LINGO3: variants seen among roughly 807,000 people sequenced by gnomAD.
LINGO3 encodes leucine rich repeat and Ig domain containing 3.
For synonymous variants in LINGO3, 427 were observed against 444.2 expected (o/e 0.96, Z 0.49); for missense variants, 750 against 867.7 (o/e 0.86, Z 1.70).
downstream of LINGO3, among the ~76,000 whole-genome samples, chr19:2,287,821 T>C (rs959642409): frequency 1.3e-5 from 2 of 152,186 alleles, no homozygotes; most frequent in African/African-American, 4.8e-5. This position sits in a 1 kb window ranked among gnomAD's most constrained non-coding sequence, Gnocchi z 4.5. Flanking sequence ...TGAGATCACA[T>C]AGCCGGGCAG....
the LINGO3 span, among the ~76,000 whole-genome samples, chr19:2,297,816 G>A: frequency 6.6e-6 from 1 of 151,850 alleles, no homozygotes; most frequent in African/African-American, 2.4e-5. Context: ...TGTTAGCCAG[G>A]CTGGTCTCAA....
the LINGO3 span, among the ~76,000 whole-genome samples, chr19:2,297,402 T>G: frequency 6.7e-6 from 1 of 148,692 alleles, no homozygotes; most frequent in Non-Finnish European, 1.5e-5. Flanking sequence ...CCTCCCAGGT[T>G]CACGCCATTC....
the LINGO3 span, among the ~76,000 whole-genome samples, chr19:2,299,375 T>C: frequency 6.6e-6 from 1 of 152,212 alleles, no homozygotes; most frequent in East Asian, 1.9e-4. Context: ...CTGCTCACCA[T>C]GTGCCCTGAA....
At chr19:2,293,061 G>GTTTCTTTCTTTCTTTC (rs71176536), upstream of LINGO3, among the ~76,000 whole-genome samples, 925 of 151,054 alleles carry the variant, frequency 6.1e-3, 15 homozygotes, top group African/African-American at 0.021. Context: ...GTATGACCCC[G>GTTTCTTTCTTTCTTTC]TTTCTTTCTT....
At chr19:2,306,584 C>T in the LINGO3 span, among the ~76,000 whole-genome samples, 5 of 152,366 alleles carry the variant, frequency 3.3e-5, no homozygotes, top group East Asian at 1.9e-4. Flanking sequence ...CCGTAACCAT[C>T]GTGACCTGAG....
chr19:2,293,146 G>T (rs1400322527), upstream of LINGO3, among the ~76,000 whole-genome samples: 2 of 151,702 alleles, frequency 1.3e-5, no homozygotes, highest in Non-Finnish European at 2.9e-5. Flanking sequence ...CTCACTGCAA[G>T]CTCTGCCTCC....
At chr19:2,291,762 C>G (rs1011188941) in exon 1 of LINGO3, 96 of 1,381,276 alleles carry the variant, frequency 7.0e-5, no homozygotes, top group Non-Finnish European at 4.3e-5. Context: ...TCAGGACGCA[C>G]AGCCAGCAGG....
At chr19:2,303,221 T>C in the LINGO3 span, among the ~76,000 whole-genome samples, 18,194 of 152,228 alleles carry the variant, frequency 0.12, 1,435 homozygotes, top group East Asian at 0.21. Flanking sequence ...GCAATCGGAC[T>C]GGCTGTGGCC....
upstream of LINGO3, among the ~76,000 whole-genome samples, chr19:2,293,363 C>CT (rs753063214): frequency 2.9e-3 from 380 of 132,966 alleles, no homozygotes; most frequent in South Asian, 0.016. Flanking sequence ...CGCGCCTGGC[C>CT]TTTTTTTTTT....
exon 1 of LINGO3, chr19:2,291,497 C>G (rs748956241): frequency 6.2e-7 from 1 of 1,611,480 alleles, no homozygotes; most frequent in African/African-American, 1.3e-5. Flanking sequence ...GCGCCGGGCT[C>G]CACGTGCGCG....
chr19:2,300,457 G>A, the LINGO3 span, among the ~76,000 whole-genome samples: 1 of 151,808 alleles, frequency 6.6e-6, no homozygotes, highest in Admixed American at 6.6e-5. Context: ...CCCCCTCCCA[G>A]GAAGCTGCCA....
chr19:2,300,076 G>A, the LINGO3 span, among the ~76,000 whole-genome samples: 1 of 137,880 alleles, frequency 7.3e-6, no homozygotes, highest in Non-Finnish European at 1.5e-5. Flanking sequence ...TGTCACCCAG[G>A]CTGAGAGTGC....
In LINGO3 at chr19:2,290,811, C is replaced by G; in HGVS notation, c.966G>C (p.Leu322=). ...AGAGCAGGTTGTTGGAGAGGTTGAG[C>G]AGGCGGATCTGGCGCAGGCCCAGGA... The change falls in exon 1 of 1, where the codon CTG becomes CTC. Residue 322 remains leucine (L), a synonymous_variant. Transcript: ENST00000585527. The surrounding 1 kb of genome is among the most constrained non-coding windows in gnomAD (Gnocchi z 6.0). 1.2e-6 allele frequency: 2 copies of G among 1,612,596 alleles called. No homozygotes were observed. Among genetic ancestry groups the G allele is most frequent in the Non-Finnish European group, 1.7e-6 (2 of 1,179,636 alleles).
chr19:2,288,711 G>A (rs1412056027), downstream of LINGO3, among the ~76,000 whole-genome samples: 1 of 152,194 alleles, frequency 6.6e-6, no homozygotes, highest in Non-Finnish European at 1.5e-5. This position sits in a 1 kb window ranked among gnomAD's most constrained non-coding sequence, Gnocchi z 6.5. Context: ...CCCTGACTGT[G>A]ACCACCGTGT....
the LINGO3 span, among the ~76,000 whole-genome samples, chr19:2,305,812 C>T: frequency 5.7e-3 from 861 of 152,308 alleles, 7 homozygotes; most frequent in Non-Finnish European, 7.7e-3. Context: ...GCTTCTAAGA[C>T]GGATATGGGA....
In LINGO3 at chr19:2,290,005, A is replaced by C; in HGVS notation, c.1772T>G (p.Met591Arg). Residue 591 changes from methionine to arginine, a missense_variant, in exon 1 of 1, where the codon ATG becomes AGG. Transcript: ENST00000585527. The surrounding 1 kb of genome is among the most constrained non-coding windows in gnomAD (Gnocchi z 6.0). ...GTCCGCCCTGGGGACCCCTCAGATC[A>C]TCTTCATGTTGAACTTGCGCGCGCC... The C allele has an allele frequency of 6.5e-7, 1 of 1,539,286 alleles. No homozygotes were observed. Among genetic ancestry groups the C allele is most frequent in the Non-Finnish European group, 8.8e-7 (1 of 1,141,402 alleles).
At position 2,290,823 on chromosome 19, in the gene LINGO3, G is replaced by A. The variant is rs751167522; in HGVS notation, c.954C>T (p.Arg318=). 16 of 1,612,452 alleles carry A rather than the reference G, an allele frequency of 9.9e-6. No individual in the cohort carries two copies. Among genetic ancestry groups the A allele is most frequent in the South Asian group, 4.4e-5 (4 of 91,078 alleles). Reference sequence around the variant, plus strand: ...TGGAGAGGTTGAGCAGGCGGATCTGGCGCAGGCCCAGGAAGGCCTGCGGCT... The same window carrying A: ...TGGAGAGGTTGAGCAGGCGGATCTGACGCAGGCCCAGGAAGGCCTGCGGCT... The change falls in exon 1 of 1, where the codon CGC becomes CGT. Residue 318 remains arginine, a synonymous_variant. Transcript: ENST00000585527. This position sits in a 1 kb window ranked among gnomAD's most constrained non-coding sequence, Gnocchi z 6.0.
chr19:2,289,858 T>C (rs1169552682), exon 1 of LINGO3: 15 of 660,248 alleles, frequency 2.3e-5, no homozygotes, highest in Non-Finnish European at 3.3e-5. Flanking sequence ...GTCCTGCGGT[T>C]GGGCGTCTAC....
rs1402279196 is a variant in LINGO3 at position 2,290,023 on chromosome 19, C to A, written c.1754G>T (p.Arg585Leu). 1 of 1,545,534 alleles carries A rather than the reference C, an allele frequency of 6.5e-7. No individual in the cohort carries two copies. The highest frequency in any genetic ancestry group is 2.5e-5 in the East Asian group (1 of 40,654). The change falls in exon 1 of 1, where the codon CGC (arginine) becomes CTC (leucine). Residue 585 changes from arginine to leucine, a missense_variant. Arg to Leu is a moderately radical substitution (Grantham distance 102, BLOSUM62 -2). Coordinates refer to ENST00000585527, the Ensembl canonical transcript of LINGO3. The surrounding 1 kb of genome is among the most constrained non-coding windows in gnomAD (Gnocchi z 6.0). ...TCAGATCATCTTCATGTTGAACTTG[C>A]GCGCGCCTCCCTGGCCCGCCGCGGC...
Sources: allele counts gnomAD v4.1 joint callset (sites outside exome capture counted in the v4.1 genomes callset), GRCh38; gene constraint gnomAD v4.1.1; non-coding constraint Gnocchi (gnomAD v3.1); transcripts MANE v1.5; gene names NCBI Gene and HGNC (gene_info 2026-07-23, HGNC 2026-07-21).